DPP6: variants seen among roughly 807,000 people sequenced by gnomAD.
The protein encoded by DPP6 is A-type potassium channel modulatory protein DPP6.
A neutral mutation model predicts 122.6 loss-of-function variants in DPP6; 69 were observed. That is an observed-to-expected ratio of 0.56 (90% CI 0.46 to 0.69). The LOEUF (loss-of-function observed/expected upper bound fraction) is 0.69, where lower values mean the gene tolerates loss of function less well. DPP6 is among the 30% of genes least tolerant of loss of function. DPP6 has a pLI of 0.00. For synonymous variants in DPP6, 418 were observed against 433.1 expected (o/e 0.97, Z 0.43); for missense variants, 928 against 1,116.9 (o/e 0.83, Z 2.41).
chr7:153,863,488 G>C, the DPP6 span, among the ~76,000 whole-genome samples: 3 of 151,892 alleles, frequency 2.0e-5, no homozygotes, highest in Admixed American at 6.6e-5. Flanking sequence ...CAGCTTTGCT[G>C]AGGTATAGTT....
intron 1 of DPP6, among the ~76,000 whole-genome samples, chr7:153,918,868 A>T (rs892338143): frequency 6.7e-6 from 1 of 149,992 alleles, no homozygotes. Flanking sequence ...AATTCCAGCT[A>T]CTTGGGAGGC....
At chr7:154,154,638 A>G (rs928013783) in intron 1 of DPP6, among the ~76,000 whole-genome samples, 5 of 152,260 alleles carry the variant, frequency 3.3e-5, no homozygotes, top group Non-Finnish European at 1.5e-5. Flanking sequence ...CTTCTAGTTC[A>G]AGCCCATTTT....
At chr7:153,878,928 T>G in the DPP6 span, among the ~76,000 whole-genome samples, 3 of 141,860 alleles carry the variant, frequency 2.1e-5, no homozygotes, top group East Asian at 6.1e-4. Flanking sequence ...GGTAAAGAAA[T>G]AAAGATAAAG....
intron 8 of DPP6, among the ~76,000 whole-genome samples, chr7:154,748,635 G>A (rs746089468): frequency 1.3e-5 from 2 of 152,252 alleles, no homozygotes; most frequent in Non-Finnish European, 2.9e-5. Flanking sequence ...GCACCTCCCT[G>A]CACAGCCTGC....
At position 154,099,529 on chromosome 7, in the gene DPP6, T is replaced by C. The variant is rs541753325; in HGVS notation, c.243+46466T>C. On this transcript the variant is annotated intron_variant, in intron 1 of 25. Transcript: ENST00000377770. ...GTGGCCAAGAGGTCACGTTGCAAAG[T>C]TCACATTTGCCCAAATAGCTAAATG... 4.4e-4 allele frequency among the ~76,000 whole-genome samples: 67 copies of C among 152,056 alleles called. No individual in the cohort carries two copies. The South Asian group carries it at 0.013, about 30-fold the overall frequency.
chr7:154,227,732 G>A (rs995284186), intron 1 of DPP6, among the ~76,000 whole-genome samples: 1 of 152,092 alleles, frequency 6.6e-6, no homozygotes, highest in Non-Finnish European at 1.5e-5. Context: ...GGTTCAGGGT[G>A]GGTAAGACTT....
chr7:154,284,766 A>G (rs1804743968), intron 1 of DPP6, among the ~76,000 whole-genome samples: 2 of 152,168 alleles, frequency 1.3e-5, no homozygotes, highest in African/African-American at 4.8e-5. Flanking sequence ...AAGGCAGGAG[A>G]ATTGCTTGAA....
intron 1 of DPP6, among the ~76,000 whole-genome samples, chr7:153,975,416 C>A (rs2129035384): frequency 7.4e-6 from 1 of 134,254 alleles, no homozygotes; most frequent in South Asian, 2.5e-4. Flanking sequence ...TTTACCAAAA[C>A]AGTTATGTTT....
chr7:154,831,676 C>T (rs1308440708), intron 16 of DPP6, among the ~76,000 whole-genome samples: 1 of 152,180 alleles, frequency 6.6e-6, no homozygotes, highest in African/African-American at 2.4e-5. Flanking sequence ...TGAGTGGGAG[C>T]ATTTTATTAG....
At chr7:154,305,393 C>A (rs547293620) in intron 1 of DPP6, 10 of 1,005,068 alleles carry the variant, frequency 9.9e-6, no homozygotes, top group Admixed American at 1.1e-4. Context: ...GAAGTATGGA[C>A]TAAAATCACA....
At chr7:153,984,236 G>A (rs1220664483) in intron 1 of DPP6, among the ~76,000 whole-genome samples, 1 of 152,108 alleles carries the variant, frequency 6.6e-6, no homozygotes, top group East Asian at 1.9e-4. Context: ...CCTTATGTCT[G>A]TGATTTCTAT....
intron 1 of DPP6, among the ~76,000 whole-genome samples, chr7:154,437,118 G>A (rs1818939538): frequency 6.6e-6 from 1 of 152,070 alleles, no homozygotes; most frequent in African/African-American, 2.4e-5. Flanking sequence ...TAGCTTCCCT[G>A]ACAAAGGAGA....
At chr7:154,202,428 G>A (rs1227692311) in intron 1 of DPP6, among the ~76,000 whole-genome samples, 2 of 152,146 alleles carry the variant, frequency 1.3e-5, no homozygotes, top group Non-Finnish European at 2.9e-5. Context: ...GAAAATGCAA[G>A]CCCTTCCATT....
intron 1 of DPP6, among the ~76,000 whole-genome samples, chr7:154,372,158 C>T (rs1812729691): frequency 6.6e-6 from 1 of 152,108 alleles, no homozygotes; most frequent in Non-Finnish European, 1.5e-5. Context: ...TGCCTGCTTT[C>T]ATGTTGTCGG....
At chr7:154,584,662 T>C (rs948649947) in intron 5 of DPP6, among the ~76,000 whole-genome samples, 1 of 152,248 alleles carries the variant, frequency 6.6e-6, no homozygotes, top group African/African-American at 2.4e-5. Flanking sequence ...CCTTCTTAAA[T>C]GCACTTCTGT....
intron 1 of DPP6, among the ~76,000 whole-genome samples, chr7:154,343,093 A>G (rs759265): frequency 0.19 from 28,247 of 152,164 alleles, 5,124 homozygotes; most frequent in African/African-American, 0.47. Context: ...GGGCAAATGG[A>G]TTGTAAATTG....
intron 16 of DPP6, among the ~76,000 whole-genome samples, chr7:154,810,898 T>A (rs1799018598): frequency 6.6e-6 from 1 of 152,234 alleles, no homozygotes; most frequent in Non-Finnish European, 1.5e-5. Context: ...AACAGATTCC[T>A]AGAATTTGAA....
rs201856417 is a variant in DPP6, at chr7:154,376,292, C to T, written c.244-69922C>T. ...GGACTGAAGCCACTGATGGTTGCTCCGTACTTTGGTTCTACTTAAAAAATA... is the reference window on the plus strand; with the variant it reads ...GGACTGAAGCCACTGATGGTTGCTCTGTACTTTGGTTCTACTTAAAAAATA... On this transcript the variant is annotated intron_variant, in intron 1 of 25. Transcript: ENST00000377770. Among the ~76,000 whole-genome samples, 21 of 152,258 alleles carry T rather than the reference C, an allele frequency of 1.4e-4. No homozygotes were observed. In the East Asian group the frequency reaches 2.3e-3, roughly 17 times the overall value.
At chr7:154,778,529 G>A (rs1482813024) in intron 10 of DPP6, among the ~76,000 whole-genome samples, 1 of 151,566 alleles carries the variant, frequency 6.6e-6, no homozygotes, top group Non-Finnish European at 1.5e-5. Context: ...CAGAACAATA[G>A]AGTTCTCATA....
Sources: allele counts gnomAD v4.1 joint callset (sites outside exome capture counted in the v4.1 genomes callset), GRCh38; gene constraint gnomAD v4.1.1; transcripts MANE v1.5; gene names NCBI Gene and HGNC (gene_info 2026-07-23, HGNC 2026-07-21).